Variants in SLC25A33 observed in about 807,000 individuals in gnomAD.
The protein encoded by SLC25A33 is solute carrier family 25 member 33.
SLC25A33 carries 15 observed loss-of-function variants against 35.5 expected under a neutral mutation model. That is an observed-to-expected ratio of 0.42 (90% CI 0.28 to 0.65). The LOEUF is 0.65. SLC25A33 is among the 30% of genes least tolerant of loss of function. The pLI, the probability that SLC25A33 is intolerant of heterozygous loss-of-function variation, is 0.20. For synonymous variants in SLC25A33, 136 were observed against 148.7 expected (o/e 0.91, Z 0.62); for missense variants, 257 against 398.5 (o/e 0.64, Z 3.02).
At chr1:9,566,974 G>T (rs1386923355) in intron 2 of SLC25A33, among the ~76,000 whole-genome samples, 1 of 152,018 alleles carries the variant, frequency 6.6e-6, no homozygotes, top group Non-Finnish European at 1.5e-5. Context: ...GTTCCAGTGA[G>T]CCGAGATCAT....
chr1:9,539,835 G>T (rs1569833411), intron 1 of SLC25A33, 88 bp downstream of exon 1: 2 of 1,175,374 alleles, frequency 1.7e-6, no homozygotes, highest in East Asian at 7.0e-5. Flanking sequence ...TCCCGCGGCG[G>T]TTACCGGCCT....
chr1:9,574,021 T>A (rs1462798101), intron 5 of SLC25A33, among the ~76,000 whole-genome samples: 1 of 152,062 alleles, frequency 6.6e-6, no homozygotes, highest in Non-Finnish European at 1.5e-5. Flanking sequence ...AGATAGGGTC[T>A]TACTTGTTGC....
intron 6 of SLC25A33, among the ~76,000 whole-genome samples, chr1:9,581,611 C>T (rs1026249237): frequency 6.6e-6 from 1 of 151,858 alleles, no homozygotes; most frequent in Non-Finnish European, 1.5e-5. Flanking sequence ...TGCCTGTAAT[C>T]CCAGCTACTC....
intron 5 of SLC25A33, among the ~76,000 whole-genome samples, chr1:9,574,966 C>T (rs1278225658): frequency 1.3e-5 from 2 of 152,126 alleles, no homozygotes; most frequent in Non-Finnish European, 2.9e-5. Context: ...GTAATCCCAG[C>T]ACTTTGAGAG....
At chr1:9,566,048 T>C (rs1442840362) in intron 2 of SLC25A33, among the ~76,000 whole-genome samples, 3 of 152,036 alleles carry the variant, frequency 2.0e-5, no homozygotes, top group African/African-American at 7.2e-5. Flanking sequence ...TTTTTGTTTT[T>C]AATTTTTGAG....
In SLC25A33 at chr1:9,553,212, T is replaced by TG. The variant is rs1643292596; in HGVS notation, c.57-414_57-413insG. ...ATTGTGTTCTAGTTTTGTTTTTTTT[T>TG]TTTTTTTTTTTTTTTGGGTTTTTTT... On this transcript the variant is annotated intron_variant, in intron 1 of 6. Transcript: ENST00000302692. Among the ~76,000 whole-genome samples the TG allele has an allele frequency of 7.4e-5, 10 of 135,192 alleles. 1 individual carries two copies. Among genetic ancestry groups the TG allele is most frequent in the Non-Finnish European group, 3.2e-5 (2 of 62,952 alleles). The allele number at this position is 135,192 out of a possible 152,430, so 88.7% of individuals were successfully genotyped here.
At chr1:9,581,032 AT>A (rs1643739131) in intron 6 of SLC25A33, among the ~76,000 whole-genome samples, 1 of 152,098 alleles carries the variant, frequency 6.6e-6, no homozygotes, top group South Asian at 2.1e-4. Context: ...AACAGGTTTT[AT>A]TTTCATAAGC....
chr1:9,574,679 A>G (rs1005549918), intron 5 of SLC25A33, among the ~76,000 whole-genome samples: 2 of 152,190 alleles, frequency 1.3e-5, no homozygotes, highest in Admixed American at 6.5e-5. Context: ...TTTAGACTTA[A>G]TAAAGCTAAG....
At chr1:9,573,149 C>G (rs1643613773) in intron 4 of SLC25A33, among the ~76,000 whole-genome samples, 197 bp from the exon 5 acceptor site, 1 of 152,082 alleles carries the variant, frequency 6.6e-6, no homozygotes, top group African/African-American at 2.4e-5. Context: ...TATTTTAGAT[C>G]CAGCAATACC....
At chr1:9,547,930 C>A (rs559292814) in intron 1 of SLC25A33, among the ~76,000 whole-genome samples, 2 of 152,108 alleles carry the variant, frequency 1.3e-5, no homozygotes, top group African/African-American at 4.8e-5. Flanking sequence ...CTGCTCACTG[C>A]AGCCTTGACC....
chr1:9,580,318 A>G, intron 6 of SLC25A33, 84 bp downstream of exon 6: 3 of 1,519,256 alleles, frequency 2.0e-6, no homozygotes, highest in Non-Finnish European at 2.7e-6. Context: ...TCTGAGGCGC[A>G]CATTGAGGCG....
intron 2 of SLC25A33, among the ~76,000 whole-genome samples, chr1:9,565,441 G>A (rs188007249): frequency 2.0e-5 from 3 of 151,564 alleles, no homozygotes; most frequent in Non-Finnish European, 4.4e-5. Flanking sequence ...GCATGAACCT[G>A]GGAGGCGGAG....
chr1:9,570,589 A>G (rs896904789), intron 4 of SLC25A33, among the ~76,000 whole-genome samples: 21 of 151,390 alleles, frequency 1.4e-4, no homozygotes, highest in African/African-American at 4.6e-4. Context: ...TACATGTTCT[A>G]TGCATGCTAC....
chr1:9,551,923 C>G (rs941719783), intron 1 of SLC25A33, among the ~76,000 whole-genome samples: 2 of 152,118 alleles, frequency 1.3e-5, no homozygotes, highest in Non-Finnish European at 2.9e-5. Context: ...GAGGATGTGT[C>G]TATGGCCCTT....
Position 9,539,594 on chromosome 1 carries a change from G to A in SLC25A33, c.-98G>A, listed in dbSNP as rs1643041978. 2 of 986,522 alleles carry A rather than the reference G, an allele frequency of 2.0e-6. No individual in the cohort carries two copies. Among genetic ancestry groups the A allele is most frequent in the Non-Finnish European group, 2.6e-6 (2 of 757,906 alleles). The allele number at this position is 986,522 out of a possible 1,614,324, so 61.1% of individuals were successfully genotyped here. A position where few individuals can be genotyped will look rare whatever the true frequency, so the allele number is the denominator to read the frequency against. On this transcript the variant is annotated 5_prime_UTR_variant, in exon 1 of 7. Transcript: ENST00000302692. ...GGAGGCGTTGCCGGCAGCCCCCTGA[G>A]GGCAGCGGGGAGACAAGACCCGGCG... is the stretch of plus-strand genomic sequence containing the variant.
chr1:9,567,924 A>C (rs1434947651), intron 3 of SLC25A33, among the ~76,000 whole-genome samples: 1 of 152,232 alleles, frequency 6.6e-6, no homozygotes, highest in Non-Finnish European at 1.5e-5. Flanking sequence ...GGAGCAGTTT[A>C]AATGTAAATT....
At chr1:9,572,208 A>T (rs2100405292) in intron 4 of SLC25A33, among the ~76,000 whole-genome samples, 1 of 152,374 alleles carries the variant, frequency 6.6e-6, no homozygotes, top group East Asian at 1.9e-4. Flanking sequence ...TTACTTAAAG[A>T]TAGGCCAGTA....
At chr1:9,565,077 T>G (rs1643482693) in intron 2 of SLC25A33, among the ~76,000 whole-genome samples, 1 of 152,042 alleles carries the variant, frequency 6.6e-6, no homozygotes, top group Non-Finnish European at 1.5e-5. Context: ...AGTAGAATGG[T>G]GACTGCCAGG....
intron 5 of SLC25A33, among the ~76,000 whole-genome samples, chr1:9,575,445 T>A (rs1191487573): frequency 4.6e-5 from 7 of 151,268 alleles, no homozygotes; most frequent in Admixed American, 2.6e-4. Flanking sequence ...TGAAACCCCG[T>A]CTCTACTAAA....
Sources: gnomAD v4.1 joint callset for allele counts (sites outside exome capture counted in the v4.1 genomes callset) on GRCh38, gnomAD v4.1.1 for gene constraint, MANE v1.5 for transcripts, NCBI Gene and HGNC (gene_info 2026-07-23, HGNC 2026-07-21) for gene names.